The following SSB variants were observed in gnomAD, a reference collection of about 807,000 sequenced individuals.
SSB encodes lupus La protein.
In SSB, 17 loss-of-function variants were observed where a neutral mutation model predicts 52.9. The ratio of observed to expected loss-of-function variants is 0.32; its 90% CI spans 0.22 to 0.48. The LOEUF is 0.48. SSB is among the 20% of genes least tolerant of loss of function. The probability of loss-of-function intolerance (pLI) is 0.99; values close to 1 mark genes in which losing one functional copy is unlikely to be tolerated. For synonymous variants in SSB, 111 were observed against 152.1 expected (o/e 0.73, Z 1.99); for missense variants, 314 against 463.6 (o/e 0.68, Z 2.96).
chr2:169,811,140 T>A, intron 10 of SSB, 43 bp from the exon 11 acceptor site: 1 of 1,592,984 alleles, frequency 6.3e-7, no homozygotes, highest in Admixed American at 1.9e-5. Flanking sequence ...GACAAGAGAC[T>A]TAAAAAAAGT....
intron 8 of SSB, 118 bp from the exon 9 acceptor site, chr2:169,810,165 T>C (rs1423307716): frequency 1.8e-5 from 11 of 594,996 alleles, no homozygotes; most frequent in Non-Finnish European, 2.6e-5. Flanking sequence ...AAGAAACTAC[T>C]TTAAAATAGC....
chr2:169,806,194 G>T lies in SSB; in HGVS notation c.345+355G>T, dbSNP rs1415579878. 1.1e-5 allele frequency: 3 copies of T among 270,652 alleles called. No homozygotes were observed. In the Admixed American group the frequency reaches 1.5e-4, roughly 14 times the overall value. The allele number at this position is 270,652 out of a possible 1,614,324, so 16.8% of individuals were successfully genotyped here. The stretch of plus-strand genomic sequence containing the variant: ...TGCCCAGGCTGGTGTCAATCTCCTG[G>T]GCTCAAGTGATCCAATCACCTTGAC... On this transcript the variant is annotated intron_variant, in intron 4 of 11. Coordinates refer to ENST00000260956, the MANE Select transcript of SSB (RefSeq NM_003142.5).
chr2:169,802,616 G>T (rs1297905909), intron 2 of SSB, among the ~76,000 whole-genome samples: 1 of 152,120 alleles, frequency 6.6e-6, no homozygotes, highest in Non-Finnish European at 1.5e-5. Flanking sequence ...CTACTCTTCT[G>T]AGGTTATCAA....
At chr2:169,805,309 TTTATC>T (rs1421677610) in intron 2 of SSB, among the ~76,000 whole-genome samples, 160 bp from the exon 3 acceptor site, 2 of 152,344 alleles carry the variant, frequency 1.3e-5, no homozygotes, top group African/African-American at 4.8e-5. Flanking sequence ...ACATTTTAGT[TTTATC>T]TTTTTGCTAA....
intron 1 of SSB, 111 bp from the exon 2 acceptor site, chr2:169,800,841 A>C (rs1371748184): frequency 1.4e-6 from 1 of 739,024 alleles, no homozygotes; most frequent in Non-Finnish European, 2.0e-6. Context: ...GTGAAAATAG[A>C]AATTCTTGAT....
Position 169,811,225 on chromosome 2 carries a change from A to C in SSB, c.1040A>C (p.Gln347Pro), listed in dbSNP as rs370543439. 29 of 1,612,326 alleles carry C rather than the reference A, an allele frequency of 1.8e-5. No homozygotes were observed. The South Asian group carries it at 3.2e-4, about 18-fold the overall frequency. ...AAAGGAAAGGGTAATAAAGCTGCCC[A>C]GCCTGGGTCTGGTAAAGGAAAAGTA... ...KGKGKGNKAA[Q>P]PGSGKGKVQF... The change falls in exon 11 of 12, where the codon CAG becomes CCG. Residue 347 changes from glutamine to proline, a missense_variant. By Grantham distance (76) the Gln-to-Pro change is moderately conservative. Coordinates refer to ENST00000260956, the MANE Select transcript of SSB (RefSeq NM_003142.5).
rs1689949904 is a variant in SSB, at chr2:169,811,315, G to A, written c.1130G>A (p.Gly377Asp). 6.3e-7 allele frequency: 1 copy of A among 1,578,370 alleles called. No individual in the cohort carries two copies. Among genetic ancestry groups the A allele is most frequent in the African/African-American group, 1.4e-5 (1 of 72,468 alleles). ...DDEHDEHDEN[G>D]ATGPVKRARE... The stretch of plus-strand genomic sequence containing the variant: ...GAACATGATGAACATGATGAAAATG[G>A]TGCAACTGGTAAGTTTTTTTTAAGT... Residue 377 changes from glycine to aspartate, a missense_variant, in exon 11 of 12, where the codon GGT (glycine) becomes GAT (aspartate). Gly to Asp is a moderately conservative substitution (Grantham distance 94, BLOSUM62 -1). Transcript: ENST00000260956.
At position 169,811,964 on chromosome 2, in the gene SSB, A is replaced by G. The variant is rs1314588194; in HGVS notation, c.*208A>G. On this transcript the variant is annotated 3_prime_UTR_variant, in exon 12 of 12. Transcript: ENST00000260956. ...GTTTGTGTTATTTCAGATGATTCAAATATCAAAAGGAAGATTCTTCCATTA... is the reference window on the plus strand; with the variant it reads ...GTTTGTGTTATTTCAGATGATTCAAGTATCAAAAGGAAGATTCTTCCATTA... 1.0e-5 allele frequency: 13 copies of G among 1,286,394 alleles called. No homozygotes were observed. The highest frequency in any genetic ancestry group is 1.4e-5 in the Non-Finnish European group (13 of 918,520). 79.7% of individuals were successfully genotyped at this position (1,286,394 alleles called of 1,614,324 possible).
intron 2 of SSB, 21 bp from the exon 3 acceptor site, chr2:169,805,453 T>C: frequency 6.5e-7 from 1 of 1,548,298 alleles, no homozygotes; most frequent in Non-Finnish European, 8.9e-7. Context: ...TGTTCTGAAA[T>C]ACATTGTAAT....
chr2:169,810,440 A>G lies in SSB; in HGVS notation c.810+17A>G. On this transcript the variant is annotated intron_variant, in intron 9 of 11. Coordinates refer to ENST00000260956, the MANE Select transcript of SSB (RefSeq NM_003142.5). ...GCAAAAGAGGTTTGGATACATCCCT[A>G]TCCTTTTTAGCAATCAGTTTGAAAA... 4 of 1,578,926 alleles carry G rather than the reference A, an allele frequency of 2.5e-6. No individual in the cohort carries two copies. The South Asian group carries it at 3.7e-5, about 14-fold the overall frequency.
intron 2 of SSB, among the ~76,000 whole-genome samples, chr2:169,802,608 A>G (rs750719194): frequency 3.3e-5 from 5 of 151,746 alleles, no homozygotes; most frequent in Admixed American, 6.6e-5. Flanking sequence ...CTCAAATCCT[A>G]CTCTTCTGAG....
At chr2:169,800,739 C>T (rs1689696066) in intron 1 of SSB, among the ~76,000 whole-genome samples, 1 of 152,036 alleles carries the variant, frequency 6.6e-6, no homozygotes, top group Admixed American at 6.5e-5. Context: ...TACTGAAAGA[C>T]AAGTTTTTTA....
intron 2 of SSB, among the ~76,000 whole-genome samples, chr2:169,801,311 A>C (rs1689707781): frequency 6.6e-6 from 1 of 152,138 alleles, no homozygotes; most frequent in African/African-American, 2.4e-5. Flanking sequence ...ATATAAAATG[A>C]GAATAATAGT....
At chr2:169,799,696 A>T (rs568222310) in intron 1 of SSB, among the ~76,000 whole-genome samples, 1 of 152,096 alleles carries the variant, frequency 6.6e-6, no homozygotes, top group Non-Finnish European at 1.5e-5. Flanking sequence ...TAGACAAGAC[A>T]ATGCATAAAA....
At chr2:169,802,905 C>T (rs937410893) in intron 2 of SSB, among the ~76,000 whole-genome samples, 2 of 152,138 alleles carry the variant, frequency 1.3e-5, no homozygotes, top group Admixed American at 6.5e-5. Flanking sequence ...TTTTCATTCT[C>T]CTCTTTAATA....
At chr2:169,806,708 A>G (rs1039916700) in intron 4 of SSB, 77 bp from the exon 5 acceptor site, 119 of 1,218,518 alleles carry the variant, frequency 9.8e-5, no homozygotes, top group Non-Finnish European at 1.2e-4. Context: ...TCAAGAAAAA[A>G]TGAATCAAAT....
In SSB at chr2:169,811,887, T is replaced by C; in HGVS notation, c.*131T>C. 4 of 1,610,266 alleles carry C rather than the reference T, an allele frequency of 2.5e-6. No individual in the cohort carries two copies. The highest frequency in any genetic ancestry group is 3.4e-6 in the Non-Finnish European group (4 of 1,178,086). ...TGAGAAAGGAAAAATTTTTTTGTTG[T>C]TTAACTTGTCTTTTTGTTATGCAAA... On this transcript the variant is annotated 3_prime_UTR_variant, in exon 12 of 12. Transcript: ENST00000260956.
At chr2:169,807,398 C>T (rs1303317018) in intron 6 of SSB, among the ~76,000 whole-genome samples, 1 of 152,008 alleles carries the variant, frequency 6.6e-6, no homozygotes, top group Non-Finnish European at 1.5e-5. Flanking sequence ...AAGCGATTCT[C>T]CTGCCTCAGC....
At chr2:169,800,877 C>T (rs946501794) in intron 1 of SSB, 75 bp from the exon 2 acceptor site, 9 of 1,150,542 alleles carry the variant, frequency 7.8e-6, no homozygotes, top group Non-Finnish European at 9.6e-6. Context: ...GATATTAATA[C>T]TTTGTAAACA....
Sources: allele counts gnomAD v4.1 joint callset (sites outside exome capture counted in the v4.1 genomes callset), GRCh38; gene constraint gnomAD v4.1.1; transcripts MANE v1.5; gene names NCBI Gene and HGNC (gene_info 2026-07-23, HGNC 2026-07-21).